Variants in SPACDR observed in about 807,000 individuals in gnomAD.
The protein encoded by SPACDR is sperm acrosome developmental regulator.
chr7:100,457,169 C>CT, the SPACDR span, among the ~76,000 whole-genome samples: 1,149 of 143,248 alleles, frequency 8.0e-3, 6 homozygotes, highest in Middle Eastern at 0.051. Context: ...CATTTCTATC[C>CT]TTTTTTTTTT....
At chr7:100,456,791 C>T in the SPACDR span, 11 of 1,612,776 alleles carry the variant, frequency 6.8e-6, no homozygotes, top group South Asian at 4.4e-5. Flanking sequence ...GGGACTGAGC[C>T]GGGTTGGGTC....
At chr7:100,462,674 G>C in the SPACDR span, among the ~76,000 whole-genome samples, 41 of 151,464 alleles carry the variant, frequency 2.7e-4, no homozygotes, top group Non-Finnish European at 2.1e-4. Flanking sequence ...CACTAAGCCT[G>C]GCTAATTTTT....
chr7:100,456,819 C>T, the SPACDR span: 36 of 1,613,146 alleles, frequency 2.2e-5, no homozygotes, highest in Admixed American at 1.5e-4. Flanking sequence ...AGCATGGCAT[C>T]GGACGTGGTG....
the SPACDR span, among the ~76,000 whole-genome samples, chr7:100,463,044 C>A: frequency 6.7e-6 from 1 of 149,024 alleles, no homozygotes; most frequent in Admixed American, 6.7e-5. Flanking sequence ...GTGGAGGTTG[C>A]AGTGAGCCGA....
At chr7:100,461,047 A>G in the SPACDR span, among the ~76,000 whole-genome samples, 2 of 151,722 alleles carry the variant, frequency 1.3e-5, no homozygotes, top group Admixed American at 1.3e-4. Context: ...TTCCACTCCA[A>G]CCCACACACC....
the SPACDR span, among the ~76,000 whole-genome samples, chr7:100,459,099 G>A: frequency 2.0e-5 from 3 of 149,726 alleles, no homozygotes; most frequent in Non-Finnish European, 4.4e-5. Context: ...CGCCTCCCGG[G>A]TTCACGCCAT....
the SPACDR span, among the ~76,000 whole-genome samples, chr7:100,457,564 C>T: frequency 8.0e-5 from 12 of 150,646 alleles, 1 homozygote; most frequent in South Asian, 4.2e-4. Flanking sequence ...AGTGATCAGC[C>T]GGCCTCGGCC....
At chr7:100,463,580 A>G in the SPACDR span, 1 of 1,613,988 alleles carries the variant, frequency 6.2e-7, no homozygotes, top group Non-Finnish European at 8.5e-7. Flanking sequence ...GACCAACCTC[A>G]AAGTCTCAAC....
chr7:100,457,169 CTT>C, the SPACDR span, among the ~76,000 whole-genome samples: 31 of 143,242 alleles, frequency 2.2e-4, no homozygotes, highest in Admixed American at 2.1e-4. Context: ...CATTTCTATC[CTT>C]TTTTTTTTTT....
At chr7:100,459,363 C>A in the SPACDR span, among the ~76,000 whole-genome samples, 1 of 150,690 alleles carries the variant, frequency 6.6e-6, no homozygotes, top group Non-Finnish European at 1.5e-5. Context: ...AGTGCAGTGG[C>A]ATGATCTCAG....
chr7:100,458,026 C>A, the SPACDR span, among the ~76,000 whole-genome samples: 334 of 151,570 alleles, frequency 2.2e-3, 4 homozygotes, highest in Middle Eastern at 6.8e-3. Context: ...TCATTGTAGA[C>A]TGACTGACCT....
At chr7:100,464,088 C>T in the SPACDR span, 14 of 72,510 alleles carry the variant, frequency 1.9e-4, no homozygotes, top group East Asian at 2.8e-4. Flanking sequence ...GTGGGGGTGG[C>T]GGGTGGGGGA....
chr7:100,461,407 G>T, the SPACDR span, among the ~76,000 whole-genome samples: 1 of 151,884 alleles, frequency 6.6e-6, no homozygotes, highest in African/African-American at 2.4e-5. Flanking sequence ...CTCCCGAATA[G>T]CTGGGACTAC....
chr7:100,463,395 G>C, the SPACDR span: 3 of 1,610,618 alleles, frequency 1.9e-6, no homozygotes, highest in Non-Finnish European at 2.5e-6. Context: ...CCGCTCTGCA[G>C]GGCAGAGACC....
At chr7:100,463,110 A>G in the SPACDR span, among the ~76,000 whole-genome samples, 1 of 88,560 alleles carries the variant, frequency 1.1e-5, no homozygotes, top group African/African-American at 5.0e-5. Flanking sequence ...TCTCAGGGAG[A>G]AAAAAAAAAA....
At chr7:100,462,962 AG>A in the SPACDR span, among the ~76,000 whole-genome samples, 3 of 150,564 alleles carry the variant, frequency 2.0e-5, no homozygotes. Flanking sequence ...TGCAAAAATT[AG>A]CCAGGCGTGG....
At chr7:100,457,969 C>T in the SPACDR span, among the ~76,000 whole-genome samples, 2 of 150,808 alleles carry the variant, frequency 1.3e-5, no homozygotes, top group South Asian at 2.1e-4. Context: ...AGGCGTGAGT[C>T]GCCACGCTCG....
chr7:100,463,182 C>A, the SPACDR span, among the ~76,000 whole-genome samples: 7 of 151,996 alleles, frequency 4.6e-5, no homozygotes, highest in East Asian at 1.4e-3. Flanking sequence ...CTATGTTGCC[C>A]AGGCTGGTCT....
At chr7:100,463,633 G>A in the SPACDR span, 1 of 1,613,932 alleles carries the variant, frequency 6.2e-7, no homozygotes, top group Non-Finnish European at 8.5e-7. Flanking sequence ...AGTGTTTCTT[G>A]GAGTCAGGGT....
Sources: gnomAD v4.1 joint callset for allele counts (sites outside exome capture counted in the v4.1 genomes callset) on GRCh38, gnomAD v4.1.1 for gene constraint, MANE v1.5 for transcripts, NCBI Gene and HGNC (gene_info 2026-07-23, HGNC 2026-07-21) for gene names.